KLHL1: variants seen among roughly 807,000 people sequenced by gnomAD.
KLHL1 encodes kelch like family member 1, also known as kelch-like protein 1.
In KLHL1, 47 loss-of-function variants were observed where a neutral mutation model predicts 77.7. The ratio of observed to expected loss-of-function variants is 0.60; its 90% CI spans 0.48 to 0.77. KLHL1 has a LOEUF of 0.77. KLHL1 is among the 30% of genes least tolerant of loss of function. The pLI is 0.00. For missense variants in KLHL1, 925 were observed against 910.8 expected, an observed-to-expected ratio of 1.02 and a Z score of -0.20; for synonymous variants, 360 against 325.2, an observed-to-expected ratio of 1.11 and a Z score of -1.15.
chr13:70,101,423 G>T (rs866760839), intron 1 of KLHL1, among the ~76,000 whole-genome samples: 8 of 151,508 alleles, frequency 5.3e-5, no homozygotes, highest in Middle Eastern at 6.8e-3. Context: ...TTCAATAGCC[G>T]TATATATATA....
chr13:69,906,984 A>G (rs1251421305), intron 4 of KLHL1, among the ~76,000 whole-genome samples: 1 of 151,988 alleles, frequency 6.6e-6, no homozygotes, highest in East Asian at 1.9e-4. Context: ...TGATTAAACT[A>G]CTTATTTTCA....
At chr13:70,088,142 A>T (rs1271165851) in intron 1 of KLHL1, among the ~76,000 whole-genome samples, 2 of 152,188 alleles carry the variant, frequency 1.3e-5, no homozygotes, top group Non-Finnish European at 2.9e-5. Context: ...GAGCGCCACG[A>T]ACTTTCAGTT....
At chr13:69,717,758 TAGC>T (rs4053624) in intron 9 of KLHL1, among the ~76,000 whole-genome samples, 81,051 of 151,630 alleles carry the variant, frequency 0.53, 22,088 homozygotes, top group East Asian at 0.67. Context: ...GTCAGTCTAT[TAGC>T]AGCATTTTTA....
chr13:69,886,493 A>AAT (rs533488505), intron 4 of KLHL1, among the ~76,000 whole-genome samples: 2 of 151,444 alleles, frequency 1.3e-5, no homozygotes, highest in Middle Eastern at 3.6e-3. Context: ...TATTGTTAAT[A>AAT]ATATATATAT....
At chr13:69,917,810 C>A (rs1244049990) in intron 4 of KLHL1, among the ~76,000 whole-genome samples, 1 of 151,980 alleles carries the variant, frequency 6.6e-6, no homozygotes, top group Non-Finnish European at 1.5e-5. Context: ...TCAGTAAATT[C>A]TCAATTAAAT....
chr13:69,951,182 C>T (rs761390367), intron 3 of KLHL1, among the ~76,000 whole-genome samples: 1 of 151,462 alleles, frequency 6.6e-6, no homozygotes. Context: ...GTGAAAATTA[C>T]ACCATAATTG....
chr13:70,049,828 C>CACAAA (rs775277487), intron 1 of KLHL1, among the ~76,000 whole-genome samples: 30 of 151,746 alleles, frequency 2.0e-4, no homozygotes, highest in East Asian at 9.7e-4. Context: ...TCTGGCTTAC[C>CACAAA]ACAAAACAAA....
At chr13:69,999,368 A>G (rs2501237) in intron 1 of KLHL1, among the ~76,000 whole-genome samples, 146,627 of 152,058 alleles carry the variant, frequency 0.96, 71,054 homozygotes, top group Non-Finnish European at 0.99. Flanking sequence ...TTGTTGAAAG[A>G]TAAAATCATA....
intron 6 of KLHL1, among the ~76,000 whole-genome samples, chr13:69,822,569 G>T (rs76592034): frequency 6.6e-6 from 1 of 152,042 alleles, no homozygotes; most frequent in East Asian, 1.9e-4. Flanking sequence ...TCAGAGTTGG[G>T]CATTGCAATG....
At chr13:70,047,321 CTG>C (rs1886526092) in intron 1 of KLHL1, among the ~76,000 whole-genome samples, 1 of 149,642 alleles carries the variant, frequency 6.7e-6, no homozygotes, top group Non-Finnish European at 1.5e-5. Context: ...AAAACAGAGA[CTG>C]TATTCCAGTA....
chr13:70,029,950 C>T (rs1410762367), intron 1 of KLHL1, among the ~76,000 whole-genome samples: 1 of 152,130 alleles, frequency 6.6e-6, no homozygotes, highest in Non-Finnish European at 1.5e-5. Flanking sequence ...GGTTGCAATC[C>T]TAGTCTCTGA....
chr13:70,006,091 A>G (rs1885398689), intron 1 of KLHL1, among the ~76,000 whole-genome samples: 1 of 152,084 alleles, frequency 6.6e-6, no homozygotes, highest in Admixed American at 6.6e-5. Context: ...GATTCATCAT[A>G]TAAATGATTT....
chr13:70,021,978 A>G (rs775875144), intron 1 of KLHL1, among the ~76,000 whole-genome samples: 9 of 152,058 alleles, frequency 5.9e-5, no homozygotes, highest in Non-Finnish European at 1.2e-4. Context: ...CAGAGCAGAA[A>G]CTTTATTTTA....
intron 1 of KLHL1, among the ~76,000 whole-genome samples, chr13:70,095,165 G>C (rs756522129): frequency 2.6e-5 from 4 of 152,052 alleles, no homozygotes; most frequent in Admixed American, 2.0e-4. Flanking sequence ...GAATGGTATC[G>C]GTTATAGATC....
chr13:70,065,413 G>A (rs1039074775), intron 1 of KLHL1, among the ~76,000 whole-genome samples: 2 of 152,100 alleles, frequency 1.3e-5, no homozygotes, highest in African/African-American at 4.8e-5. Flanking sequence ...TACACCTTGA[G>A]ACATATTAGG....
intron 8 of KLHL1, among the ~76,000 whole-genome samples, chr13:69,723,154 G>T (rs1593773991): frequency 6.6e-6 from 1 of 152,054 alleles, no homozygotes; most frequent in East Asian, 1.9e-4. Flanking sequence ...TAAAACAGTG[G>T]TTATCAAAGA....
intron 8 of KLHL1, among the ~76,000 whole-genome samples, chr13:69,738,972 G>A (rs949017802): frequency 2.0e-5 from 3 of 152,104 alleles, no homozygotes; most frequent in African/African-American, 7.2e-5. Flanking sequence ...AAGTCGAAAT[G>A]AAGAAAACAA....
At chr13:69,705,486 T>C (rs920431117) in intron 10 of KLHL1, among the ~76,000 whole-genome samples, 4 of 151,714 alleles carry the variant, frequency 2.6e-5, no homozygotes, top group African/African-American at 7.2e-5. Flanking sequence ...TAATATTATA[T>C]GGAATAACCA....
intron 10 of KLHL1, among the ~76,000 whole-genome samples, chr13:69,707,028 A>G (rs960958922): frequency 6.6e-6 from 1 of 151,998 alleles, no homozygotes; most frequent in African/African-American, 2.4e-5. Flanking sequence ...AACTTCCTGG[A>G]CAAAATGATT....
Sources: gnomAD v4.1 joint callset for allele counts (sites outside exome capture counted in the v4.1 genomes callset) on GRCh38, gnomAD v4.1.1 for gene constraint, MANE v1.5 for transcripts, NCBI Gene and HGNC (gene_info 2026-07-23, HGNC 2026-07-21) for gene names.